Variants in CWC27 observed in about 807,000 individuals in gnomAD.
The protein encoded by CWC27 is spliceosome-associated protein CWC27 homolog.
A neutral mutation model predicts 63.6 loss-of-function variants in CWC27; 47 were observed. That is an observed-to-expected ratio of 0.74 (90% CI 0.58 to 0.94). The LOEUF (loss-of-function observed/expected upper bound fraction) is 0.94, where lower values mean the gene tolerates loss of function less well. Ranked by LOEUF, CWC27 falls within the 40% of genes least tolerant of loss-of-function variation. The probability of loss-of-function intolerance (pLI) is 0.00; values close to 1 mark genes in which losing one functional copy is unlikely to be tolerated. For missense variants in CWC27, 495 were observed against 554.3 expected (o/e 0.89, Z 1.07); for synonymous variants, 175 against 179.8 (o/e 0.97, Z 0.22).
In CWC27 at chr5:64,938,882, T is replaced by TA. The variant is rs1404382599; in HGVS notation, c.1043-32820dup. On this transcript the variant is annotated intron_variant, in intron 11 of 13. Transcript: ENST00000381070. ...ATTTTTAATCTCTGATATCCTTTCT[T>TA]ACGCTTGATCGGTTCTGCTATTGAT... 5.3e-5 allele frequency among the ~76,000 whole-genome samples: 8 copies of TA among 152,220 alleles called. 1 individual carries two copies. The highest frequency in any genetic ancestry group is 1.0e-4 in the Non-Finnish European group (7 of 68,034).
intron 11 of CWC27, among the ~76,000 whole-genome samples, chr5:64,897,191 T>A (rs541352159): frequency 3.9e-5 from 6 of 152,216 alleles, no homozygotes; most frequent in South Asian, 4.2e-4. Flanking sequence ...AGAGTGAGAA[T>A]CTAGAAGTAG....
At chr5:65,004,903 T>A (rs111692775) in intron 13 of CWC27, among the ~76,000 whole-genome samples, 2 of 59,724 alleles carry the variant, frequency 3.3e-5, no homozygotes, top group East Asian at 8.5e-4. Context: ...TATATATATA[T>A]ATACATACAC....
chr5:64,970,808 A>C (rs1034985636), intron 11 of CWC27, among the ~76,000 whole-genome samples: 1 of 152,180 alleles, frequency 6.6e-6, no homozygotes, highest in African/African-American at 2.4e-5. Context: ...GCTGATTGTT[A>C]ATAGATTGCA....
chr5:65,018,454 C>A lies in CWC27; in HGVS notation c.*133C>A. The A allele has an allele frequency of 1.3e-6, 1 of 778,310 alleles. No homozygotes were observed. The highest frequency in any genetic ancestry group is 1.9e-6 in the Non-Finnish European group (1 of 524,848). 48.2% of individuals were successfully genotyped at this position (778,310 alleles called of 1,614,324 possible). ...GAACCTGTTGTCTGGTTTTGAAAAACAATTATCTTGTTTTGCAAATTGTGG... is the reference window on the plus strand; with the variant it reads ...GAACCTGTTGTCTGGTTTTGAAAAAAAATTATCTTGTTTTGCAAATTGTGG... On this transcript the variant is annotated 3_prime_UTR_variant, in exon 14 of 14. Coordinates refer to ENST00000381070, the MANE Select transcript of CWC27 (RefSeq NM_005869.4).
chr5:64,860,103 T>C (rs1224476979), intron 10 of CWC27, among the ~76,000 whole-genome samples: 4 of 152,148 alleles, frequency 2.6e-5, no homozygotes, highest in Non-Finnish European at 5.9e-5. Flanking sequence ...GAGCCAAAAT[T>C]CCAGCCCTGG....
At chr5:64,976,417 A>C (rs1216557976) in intron 12 of CWC27, among the ~76,000 whole-genome samples, 3 of 152,182 alleles carry the variant, frequency 2.0e-5, no homozygotes, top group Non-Finnish European at 4.4e-5. Flanking sequence ...GAAATTTGTG[A>C]AATAAACAAT....
chr5:64,789,419 A>C (rs1315401656), intron 7 of CWC27, among the ~76,000 whole-genome samples: 2 of 152,020 alleles, frequency 1.3e-5, no homozygotes, highest in African/African-American at 4.8e-5. Flanking sequence ...TATTTCATTA[A>C]TTCTCATTAC....
chr5:64,884,288 A>G (rs974254091), intron 10 of CWC27: 1 of 152,102 alleles, frequency 6.6e-6, no homozygotes, highest in Non-Finnish European at 1.5e-5. Flanking sequence ...TTAAAAAGGT[A>G]GTGGATTTTG....
At chr5:64,907,052 C>G (rs1380340718) in intron 11 of CWC27, among the ~76,000 whole-genome samples, 1 of 152,110 alleles carries the variant, frequency 6.6e-6, no homozygotes, top group Non-Finnish European at 1.5e-5. Context: ...CAGTACCATG[C>G]TGTTTTGGTT....
At chr5:64,826,077 A>ATCTATCTGTCTG (rs71841502) in intron 10 of CWC27, among the ~76,000 whole-genome samples, 4 of 16,654 alleles carry the variant, frequency 2.4e-4, no homozygotes, top group Admixed American at 2.5e-3. Context: ...TTTGTAATAA[A>ATCTATCTGTCTG]TCTATCTATC....
chr5:64,885,600 T>A, intron 11 of CWC27, 54 bp downstream of exon 11: 1 of 1,322,986 alleles, frequency 7.6e-7, no homozygotes, highest in South Asian at 1.3e-5. Flanking sequence ...CTTCTCTGTT[T>A]TCTTAGCTCC....
chr5:64,937,153 T>C (rs1472082834), intron 11 of CWC27, among the ~76,000 whole-genome samples: 1 of 152,196 alleles, frequency 6.6e-6, no homozygotes, highest in African/African-American at 2.4e-5. Context: ...TTGAATTTGT[T>C]TGCTCTTGCT....
chr5:64,872,196 G>A (rs1746690018), intron 10 of CWC27, among the ~76,000 whole-genome samples: 1 of 152,232 alleles, frequency 6.6e-6, no homozygotes, highest in East Asian at 1.9e-4. Flanking sequence ...GGAAGTGGAA[G>A]AGAGAGGAGT....
At chr5:64,992,414 C>T (rs148379752) in intron 13 of CWC27, among the ~76,000 whole-genome samples, 280 of 152,140 alleles carry the variant, frequency 1.8e-3, no homozygotes, top group African/African-American at 6.5e-3. Context: ...ATCACTAGGA[C>T]AAGGAAGAAA....
At chr5:64,813,062 A>T (rs1744924531) in intron 10 of CWC27, among the ~76,000 whole-genome samples, 1 of 152,164 alleles carries the variant, frequency 6.6e-6, no homozygotes, top group Non-Finnish European at 1.5e-5. Context: ...ACTATTTAAA[A>T]GGAATAACAC....
chr5:64,952,134 A>G (rs571196759), intron 11 of CWC27, among the ~76,000 whole-genome samples: 8 of 152,010 alleles, frequency 5.3e-5, no homozygotes, highest in Non-Finnish European at 1.2e-4. Flanking sequence ...TATACTTTAA[A>G]TCAACTCTAG....
chr5:64,843,552 T>C (rs1429693000), intron 10 of CWC27, among the ~76,000 whole-genome samples: 1 of 152,116 alleles, frequency 6.6e-6, no homozygotes, highest in East Asian at 1.9e-4. Flanking sequence ...TATCCAGAAA[T>C]CAGTCCACTT....
intron 10 of CWC27, among the ~76,000 whole-genome samples, chr5:64,842,489 A>G (rs1223323946): frequency 6.6e-6 from 1 of 152,080 alleles, no homozygotes; most frequent in Non-Finnish European, 1.5e-5. Flanking sequence ...TTTTTAGTAG[A>G]GACGAGATTT....
At chr5:64,908,083 C>A (rs1046674504) in intron 11 of CWC27, among the ~76,000 whole-genome samples, 2 of 152,114 alleles carry the variant, frequency 1.3e-5, no homozygotes, top group Non-Finnish European at 2.9e-5. Context: ...TGGTACATTG[C>A]GTCTTTGTTC....
Sources: gnomAD v4.1 joint callset for allele counts (sites outside exome capture counted in the v4.1 genomes callset) on GRCh38, gnomAD v4.1.1 for gene constraint, MANE v1.5 for transcripts, NCBI Gene and HGNC (gene_info 2026-07-23, HGNC 2026-07-21) for gene names.